Variants in SMARCC1 observed in about 807,000 individuals in gnomAD.
SMARCC1 encodes the protein SWI/SNF complex subunit SMARCC1.
In SMARCC1, 43 loss-of-function variants were observed where a neutral mutation model predicts 147.4. That is an observed-to-expected ratio of 0.29 (90% confidence interval 0.23 to 0.38). SMARCC1 has a LOEUF of 0.38. Ranked by LOEUF, SMARCC1 falls within the 10% of genes least tolerant of loss-of-function variation. SMARCC1 has a pLI of 1.00. For synonymous variants in SMARCC1, 495 were observed against 484.4 expected (o/e 1.02, Z -0.29); for missense variants, 1,119 against 1,381.1 (o/e 0.81, Z 3.01).
At chr3:47,763,982 A>G (rs1170473103) in intron 2 of SMARCC1, among the ~76,000 whole-genome samples, 1 of 151,738 alleles carries the variant, frequency 6.6e-6, no homozygotes, top group Admixed American at 6.6e-5. Flanking sequence ...GCCACCCAAA[A>G]TGCTAAGATT....
chr3:47,732,905 C>T (rs1350043760), intron 5 of SMARCC1, among the ~76,000 whole-genome samples: 1 of 151,082 alleles, frequency 6.6e-6, no homozygotes, highest in Admixed American at 6.6e-5. Flanking sequence ...GTCAGGAGTT[C>T]AAGACCAGCC....
intron 17 of SMARCC1, among the ~76,000 whole-genome samples, chr3:47,675,944 CA>C (rs79032057): frequency 0.02 from 2,248 of 113,252 alleles, 45 homozygotes; most frequent in African/African-American, 0.062. Flanking sequence ...GATTCCGTCT[CA>C]AAAAAAAAAA....
chr3:47,683,596 T>C (rs2033681545), intron 14 of SMARCC1, among the ~76,000 whole-genome samples: 1 of 151,916 alleles, frequency 6.6e-6, no homozygotes, highest in Non-Finnish European at 1.5e-5. Context: ...CTCACACCTG[T>C]AATCCCAGCA....
At chr3:47,658,982 G>A (rs903360312) in intron 21 of SMARCC1, among the ~76,000 whole-genome samples, 1 of 152,024 alleles carries the variant, frequency 6.6e-6, no homozygotes, top group African/African-American at 2.4e-5. Flanking sequence ...GCCGGGTGTT[G>A]TGGCACAAGC....
chr3:47,630,914 T>C (rs1316322129), intron 24 of SMARCC1, among the ~76,000 whole-genome samples: 1 of 151,996 alleles, frequency 6.6e-6, no homozygotes, highest in Non-Finnish European at 1.5e-5. Flanking sequence ...AATTTTAAAA[T>C]TAGCTGAGTG....
Position 47,662,600 on chromosome 3 carries a change from A to G in SMARCC1, c.1900-8T>C, listed in dbSNP as rs777542373. 6.2e-7 allele frequency: 1 copy of G among 1,609,764 alleles called. No homozygotes were observed. Among genetic ancestry groups the G allele is most frequent in the Admixed American group, 1.7e-5 (1 of 59,534 alleles). Reference sequence around the variant, plus strand: ...CTTGTACATCTCCAGGGCCTAAGACAGAAAAAACAGATGCTTTCATGTCAG... The same window carrying G: ...CTTGTACATCTCCAGGGCCTAAGACGGAAAAAACAGATGCTTTCATGTCAG... On this transcript the variant is annotated splice_region_variant and splice_polypyrimidine_tract_variant and intron_variant, in intron 19 of 27. Coordinates refer to ENST00000254480, the MANE Select transcript of SMARCC1 (RefSeq NM_003074.4).
chr3:47,642,592 AAAC>A (rs34383211), intron 21 of SMARCC1, among the ~76,000 whole-genome samples: 1,511 of 150,482 alleles, frequency 0.01, 29 homozygotes, highest in African/African-American at 0.034. Flanking sequence ...TTTGTCCCAA[AAAC>A]AACAACAACA....
intron 11 of SMARCC1, among the ~76,000 whole-genome samples, chr3:47,697,186 G>A (rs990313378): frequency 6.6e-6 from 1 of 152,150 alleles, no homozygotes; most frequent in Non-Finnish European, 1.5e-5. Flanking sequence ...AAATGTGGTG[G>A]TGAGCACCTG....
Position 47,634,350 on chromosome 3 carries a change from T to G in SMARCC1, c.2646+840A>C, listed in dbSNP as rs377219349. Among the ~76,000 whole-genome samples the G allele has an allele frequency of 6.0e-4, 92 of 152,302 alleles. 1 individual carries two copies. The South Asian group carries it at 0.017, about 29-fold the overall frequency. ...GGGTGGGCATTCAAAACAGTAATCT[T>G]GTAGTTTGAATTGGTTCATCATATC... On this transcript the variant is annotated intron_variant, in intron 24 of 27. Coordinates refer to ENST00000254480, the MANE Select transcript of SMARCC1 (RefSeq NM_003074.4).
intron 24 of SMARCC1, among the ~76,000 whole-genome samples, chr3:47,625,047 G>A (rs1484681950): frequency 6.6e-6 from 1 of 151,832 alleles, no homozygotes; most frequent in East Asian, 1.9e-4. Context: ...AAAATAAATT[G>A]AGACAAATGA....
Position 47,775,161 on chromosome 3 carries a change from G to A in SMARCC1, c.196-2225C>T, listed in dbSNP as rs145824148. ...GTTTTTCTCCAATATACTCAACATA[G>A]TACTTTTTTTTTTTTTTTTGAGACA... On this transcript the variant is annotated intron_variant, in intron 1 of 27. Coordinates refer to ENST00000254480, the MANE Select transcript of SMARCC1 (RefSeq NM_003074.4). Among the ~76,000 whole-genome samples, 644 of 149,130 alleles carry A rather than the reference G, an allele frequency of 4.3e-3. 2 individuals are homozygous for A. The highest frequency in any genetic ancestry group is 0.015 in the African/African-American group (620 of 40,520).
At position 47,585,974 on chromosome 3, in the gene SMARCC1, TCCCTC is replaced by T. The variant is rs995073235; in HGVS notation, c.*2230_*2234del. 6.6e-6 allele frequency: 1 copy of T among 152,478 alleles called. No homozygotes were observed. Among genetic ancestry groups the T allele is most frequent in the African/African-American group, 2.4e-5 (1 of 41,386 alleles). The allele number at this position is 152,478 out of a possible 1,614,324, so 9.4% of individuals were successfully genotyped here. A position where few individuals can be genotyped will look rare whatever the true frequency, so the allele number is the denominator to read the frequency against. On this transcript the variant is annotated 3_prime_UTR_variant, in exon 28 of 28. Transcript: ENST00000254480. ...TTCATTTTCTCCATTCTTGCCAAACTCCCTCCCCTCATTTTTTCCAAAATAACAAC... is the reference window on the plus strand; with the variant it reads ...TTCATTTTCTCCATTCTTGCCAAACTCCCTCATTTTTTCCAAAATAACAAC...
At position 47,588,184 on chromosome 3, in the gene SMARCC1, G is replaced by C; in HGVS notation, c.*25C>G. 3 of 1,567,268 alleles carry C rather than the reference G, an allele frequency of 1.9e-6. No homozygotes were observed. Among genetic ancestry groups the C allele is most frequent in the Non-Finnish European group, 1.8e-6 (2 of 1,139,162 alleles). On this transcript the variant is annotated 3_prime_UTR_variant, in exon 28 of 28. Transcript: ENST00000254480. ...CCCACTCCAGCTCATGGTGGTGGGCGTGGAGGTTCCCTGCATCTTCCAGGC... is the reference window on the plus strand; with the variant it reads ...CCCACTCCAGCTCATGGTGGTGGGCCTGGAGGTTCCCTGCATCTTCCAGGC...
chr3:47,591,991 CTATG>C (rs2032191268), intron 26 of SMARCC1, among the ~76,000 whole-genome samples: 1 of 152,194 alleles, frequency 6.6e-6, no homozygotes, highest in African/African-American at 2.4e-5. Context: ...GCTTTACTAT[CTATG>C]TAAGGACAAC....
intron 26 of SMARCC1, among the ~76,000 whole-genome samples, chr3:47,593,866 G>A (rs1265349562): frequency 6.6e-6 from 1 of 152,082 alleles, no homozygotes; most frequent in African/African-American, 2.4e-5. Flanking sequence ...AATGAGGTAT[G>A]AGAATTAGGA....
At chr3:47,639,033 A>G (rs41290668) in intron 21 of SMARCC1, among the ~76,000 whole-genome samples, 1,580 of 152,330 alleles carry the variant, frequency 0.01, 13 homozygotes, top group East Asian at 0.019. Context: ...TGAATTATAC[A>G]GAAAGCAGAT....
intron 5 of SMARCC1, among the ~76,000 whole-genome samples, chr3:47,731,452 G>C (rs894817502): frequency 4.6e-5 from 7 of 152,136 alleles, no homozygotes; most frequent in African/African-American, 1.7e-4. Context: ...GACCTCTGAT[G>C]AATCGCATGT....
intron 2 of SMARCC1, among the ~76,000 whole-genome samples, chr3:47,772,351 C>T (rs1197291725): frequency 6.6e-6 from 1 of 152,160 alleles, no homozygotes; most frequent in African/African-American, 2.4e-5. Context: ...TGTGATCAAA[C>T]CACTGCACTC....
At chr3:47,616,055 T>C (rs1393845237) in intron 25 of SMARCC1, among the ~76,000 whole-genome samples, 5 of 152,178 alleles carry the variant, frequency 3.3e-5, no homozygotes, top group Non-Finnish European at 7.3e-5. Context: ...GTCCAAAAGC[T>C]ATAAATGGAA....
Sources: allele counts gnomAD v4.1 joint callset (sites outside exome capture counted in the v4.1 genomes callset), GRCh38; gene constraint gnomAD v4.1.1; transcripts MANE v1.5; gene names NCBI Gene and HGNC (gene_info 2026-07-23, HGNC 2026-07-21).